Variants in PPM1H observed in about 807,000 individuals in gnomAD.
The protein encoded by PPM1H is protein phosphatase 1H.
Under a neutral mutation model 54.9 loss-of-function variants are expected in PPM1H, and 27 were observed. That is an observed-to-expected ratio of 0.49 (90% confidence interval 0.36 to 0.68). The LOEUF is 0.68. PPM1H is among the 30% of genes least tolerant of loss of function. PPM1H has a pLI of 0.00. For missense variants in PPM1H, 596 were observed against 667.8 expected (o/e 0.89, Z 1.19); for synonymous variants, 305 against 270.8 (o/e 1.13, Z -1.24).
At chr12:62,867,562 CTATTTTT>C (rs1869821657) in intron 1 of PPM1H, among the ~76,000 whole-genome samples, 2 of 101,878 alleles carry the variant, frequency 2.0e-5, no homozygotes, top group South Asian at 3.1e-4. Context: ...CTTATGAGCA[CTATTTTT>C]TTTTTTTTTT....
At chr12:62,674,820 G>A (rs939130296) in intron 8 of PPM1H, among the ~76,000 whole-genome samples, 2 of 152,226 alleles carry the variant, frequency 1.3e-5, no homozygotes, top group African/African-American at 2.4e-5. Context: ...GTGTGTTTGG[G>A]CAGCTTTACC....
intron 8 of PPM1H, among the ~76,000 whole-genome samples, chr12:62,682,721 C>A (rs2136629647): frequency 6.6e-6 from 1 of 152,316 alleles, no homozygotes; most frequent in Non-Finnish European, 1.5e-5. Context: ...CCAAGCTGGT[C>A]TTGAACTCCT....
At chr12:62,755,558 T>C in intron 4 of PPM1H, 1 of 661,138 alleles carries the variant, frequency 1.5e-6, no homozygotes, top group South Asian at 1.6e-5. Flanking sequence ...GGGACTCACT[T>C]GCAGCGGGGA....
intron 2 of PPM1H, among the ~76,000 whole-genome samples, chr12:62,827,345 C>T (rs1868301745): frequency 6.6e-6 from 1 of 152,104 alleles, no homozygotes; most frequent in African/African-American, 2.4e-5. Context: ...CTCATTTAAT[C>T]TCTTCTGAGC....
rs2076260796 is a variant in PPM1H, at chr12:62,721,041, C to T, written c.955-752G>A. 2.0e-5 allele frequency: 3 copies of T among 152,286 alleles called. No homozygotes were observed. The South Asian group carries it at 6.2e-4, about 31-fold the overall frequency. 9.4% of individuals were successfully genotyped at this position (152,286 alleles called of 1,614,324 possible). A position where few individuals can be genotyped will look rare whatever the true frequency, so the allele number is the denominator to read the frequency against. ...GCAGGCCTGCACTAGAACTTCCCCA[C>T]ATGAAGCTGTCTACCTGCTTCTGAG... On this transcript the variant is annotated intron_variant, in intron 5 of 9. Transcript: ENST00000228705.
Position 62,794,739 on chromosome 12 carries a change from T to G in PPM1H, c.757-6401A>C, listed in dbSNP as rs546767166. 2.9e-4 allele frequency among the ~76,000 whole-genome samples: 44 copies of G among 152,156 alleles called. 1 individual carries two copies. The highest frequency in any genetic ancestry group is 1.0e-3 in the African/African-American group (43 of 41,424). ...GTCTGAAATGTTGATTATTCAACCA[T>G]GTTTTTGGGAGGGTGGAGAAGTAGG... On this transcript the variant is annotated intron_variant, in intron 3 of 9. Transcript: ENST00000228705.
At chr12:62,883,054 T>G (rs1186804796) in intron 1 of PPM1H, among the ~76,000 whole-genome samples, 5 of 152,316 alleles carry the variant, frequency 3.3e-5, no homozygotes. Flanking sequence ...GTGAGTAACC[T>G]CCACTAAAAT....
At chr12:62,929,255 A>T (rs1003354718) in intron 1 of PPM1H, among the ~76,000 whole-genome samples, 5 of 152,170 alleles carry the variant, frequency 3.3e-5, no homozygotes, top group African/African-American at 9.7e-5. Flanking sequence ...CCAGCATGGG[A>T]CCAATGCTGG....
intron 2 of PPM1H, among the ~76,000 whole-genome samples, chr12:62,822,920 AC>A (rs1414586970): frequency 6.6e-6 from 1 of 152,208 alleles, no homozygotes; most frequent in Admixed American, 6.5e-5. Flanking sequence ...AGATAGAGAC[AC>A]AAAAAACCCT....
chr12:62,929,982 T>C (rs796694812), intron 1 of PPM1H, among the ~76,000 whole-genome samples: 20 of 151,806 alleles, frequency 1.3e-4, no homozygotes, highest in Admixed American at 4.6e-4. Flanking sequence ...TATCAGTCAG[T>C]AAGAGGGGCA....
chr12:62,760,300 A>G (rs2076500809), intron 4 of PPM1H, among the ~76,000 whole-genome samples: 1 of 151,986 alleles, frequency 6.6e-6, no homozygotes, highest in Admixed American at 6.6e-5. Flanking sequence ...CTCGTCCCAA[A>G]TCTTTCTTCT....
intron 3 of PPM1H, among the ~76,000 whole-genome samples, chr12:62,797,363 A>G (rs892735837): frequency 2.0e-5 from 3 of 152,230 alleles, no homozygotes; most frequent in Non-Finnish European, 4.4e-5. Flanking sequence ...AGAGAGCCAC[A>G]AAGCTGAAAT....
At chr12:62,796,410 C>CTATAAAT (rs1411354786) in intron 3 of PPM1H, among the ~76,000 whole-genome samples, 17 of 151,922 alleles carry the variant, frequency 1.1e-4, no homozygotes, top group African/African-American at 4.1e-4. Context: ...GACTGACCAG[C>CTATAAAT]TATAAATCTG....
At chr12:62,897,641 T>C (rs1871036563) in intron 1 of PPM1H, among the ~76,000 whole-genome samples, 1 of 152,040 alleles carries the variant, frequency 6.6e-6, no homozygotes, top group Admixed American at 6.6e-5. Flanking sequence ...GCTGGAATGG[T>C]GTGGGATCCC....
At chr12:62,899,323 A>T (rs1348252914) in intron 1 of PPM1H, among the ~76,000 whole-genome samples, 1 of 152,118 alleles carries the variant, frequency 6.6e-6, no homozygotes, top group Non-Finnish European at 1.5e-5. Context: ...GTAATACCAG[A>T]CACTTGGGAG....
chr12:62,776,702 T>G (rs935088261), intron 4 of PPM1H, among the ~76,000 whole-genome samples: 2 of 152,144 alleles, frequency 1.3e-5, no homozygotes, highest in Admixed American at 6.5e-5. Context: ...ATCATCCCAT[T>G]TCAACACTCT....
At chr12:62,891,940 G>A (rs1870811694) in intron 1 of PPM1H, among the ~76,000 whole-genome samples, 1 of 152,088 alleles carries the variant, frequency 6.6e-6, no homozygotes, top group African/African-American at 2.4e-5. Flanking sequence ...GTATGTGCAG[G>A]CGTGTAGATA....
intron 1 of PPM1H, among the ~76,000 whole-genome samples, chr12:62,890,070 A>G (rs1026570482): frequency 6.6e-6 from 1 of 152,200 alleles, no homozygotes; most frequent in South Asian, 2.1e-4. Flanking sequence ...AACTCTTAAA[A>G]CTCAACAATA....
At chr12:62,653,278 CT>C (rs1468647720) in intron 9 of PPM1H, among the ~76,000 whole-genome samples, 1 of 152,206 alleles carries the variant, frequency 6.6e-6, no homozygotes, top group Non-Finnish European at 1.5e-5. Flanking sequence ...CAGCCATCAA[CT>C]TTTTGGATAT....
Sources: allele counts gnomAD v4.1 joint callset (sites outside exome capture counted in the v4.1 genomes callset), GRCh38; gene constraint gnomAD v4.1.1; transcripts MANE v1.5; gene names NCBI Gene and HGNC (gene_info 2026-07-23, HGNC 2026-07-21).